The following PSD3 variants were observed in gnomAD, a reference collection of about 807,000 sequenced individuals.
PSD3 encodes PH and SEC7 domain-containing protein 3.
PSD3 carries 49 observed loss-of-function variants against 105.5 expected under a neutral mutation model. That is an observed-to-expected ratio of 0.46 (90% CI 0.37 to 0.59). The LOEUF is 0.59. Among genes scored for constraint, PSD3 ranks in the 20% least tolerant of loss-of-function variants. PSD3 has a pLI of 0.00. For missense variants in PSD3, 1,561 were observed against 1,263.8 expected, an observed-to-expected ratio of 1.24 and a Z score of -3.57; for synonymous variants, 557 against 457.8, an observed-to-expected ratio of 1.22 and a Z score of -2.77.
At chr8:18,843,528 A>G (rs1814827354) in intron 4 of PSD3, among the ~76,000 whole-genome samples, 1 of 152,090 alleles carries the variant, frequency 6.6e-6, no homozygotes, top group African/African-American at 2.4e-5. Flanking sequence ...ACTTCAGAGC[A>G]CTCTGTATTC....
chr8:18,793,286 C>T (rs529735939), intron 8 of PSD3, among the ~76,000 whole-genome samples: 2 of 150,588 alleles, frequency 1.3e-5, no homozygotes, highest in East Asian at 2.0e-4. Flanking sequence ...CAAACCTGCA[C>T]GTTGTGCACA....
intron 9 of PSD3, among the ~76,000 whole-genome samples, chr8:18,750,970 G>C (rs1350317429): frequency 6.6e-6 from 1 of 152,166 alleles, no homozygotes; most frequent in African/African-American, 2.4e-5. Context: ...CAGGAGACCA[G>C]CTGGCTTCAC....
At chr8:19,061,615 G>C (rs1026202447) in intron 1 of PSD3, among the ~76,000 whole-genome samples, 1 of 152,108 alleles carries the variant, frequency 6.6e-6, no homozygotes, top group Non-Finnish European at 1.5e-5. Flanking sequence ...AGACCACTCT[G>C]ACCAATGTGG....
intron 2 of PSD3, among the ~76,000 whole-genome samples, chr8:18,883,065 G>A (rs1818221353): frequency 6.6e-6 from 1 of 152,106 alleles, no homozygotes; most frequent in East Asian, 1.9e-4. Context: ...AAGGAGGCTT[G>A]TTAGAAATTC....
At chr8:18,616,510 C>T (rs1458730766) in intron 11 of PSD3, among the ~76,000 whole-genome samples, 1 of 152,018 alleles carries the variant, frequency 6.6e-6, no homozygotes, top group Non-Finnish European at 1.5e-5. Flanking sequence ...CTGAAAGAAA[C>T]ATTCACCATC....
intron 2 of PSD3, among the ~76,000 whole-genome samples, chr8:18,930,448 TG>T (rs1821666850): frequency 6.6e-6 from 1 of 152,210 alleles, no homozygotes; most frequent in Non-Finnish European, 1.5e-5. Flanking sequence ...GGACAGGCCA[TG>T]AACTTTCACG....
chr8:18,788,914 A>G (rs950744816), intron 8 of PSD3, among the ~76,000 whole-genome samples: 19 of 152,116 alleles, frequency 1.2e-4, no homozygotes, highest in Admixed American at 1.1e-3. Flanking sequence ...TTCCTTTTTA[A>G]ATGTATGACT....
chr8:18,590,805 G>T (rs1033495050), intron 12 of PSD3, among the ~76,000 whole-genome samples: 1 of 152,028 alleles, frequency 6.6e-6, no homozygotes, highest in African/African-American at 2.4e-5. Context: ...AGGGACAGAA[G>T]AAACAAAACC....
chr8:18,675,219 G>A (rs1216714735), intron 9 of PSD3, among the ~76,000 whole-genome samples: 2 of 152,068 alleles, frequency 1.3e-5, no homozygotes, highest in Non-Finnish European at 2.9e-5. Flanking sequence ...ATAAGGATTC[G>A]TTCCCTTGTC....
chr8:18,811,422 A>T (rs980603409), intron 4 of PSD3, among the ~76,000 whole-genome samples: 2 of 152,232 alleles, frequency 1.3e-5, no homozygotes, highest in African/African-American at 4.8e-5. Flanking sequence ...TACAGTAAGC[A>T]AAACAGAATT....
chr8:18,556,781 G>A (rs974146530), intron 14 of PSD3, among the ~76,000 whole-genome samples: 3 of 152,184 alleles, frequency 2.0e-5, no homozygotes, highest in Non-Finnish European at 2.9e-5. Context: ...TGAATGAATT[G>A]TAATTGTCTA....
At chr8:18,537,569 G>T (rs1392546445) in intron 15 of PSD3, among the ~76,000 whole-genome samples, 1 of 152,144 alleles carries the variant, frequency 6.6e-6, no homozygotes, top group Non-Finnish European at 1.5e-5. Context: ...ATGTGATATT[G>T]TGACCAGTAA....
intron 9 of PSD3, among the ~76,000 whole-genome samples, chr8:18,755,472 C>CATAAT (rs1554490357): frequency 6.6e-6 from 1 of 151,168 alleles, no homozygotes; most frequent in Non-Finnish European, 1.5e-5. Context: ...CATAACATAA[C>CATAAT]ATAACATAAC....
chr8:18,601,612 G>T (rs1804444849), intron 11 of PSD3, among the ~76,000 whole-genome samples: 1 of 152,120 alleles, frequency 6.6e-6, no homozygotes, highest in Admixed American at 6.5e-5. Flanking sequence ...CACCCTGCAG[G>T]TTTCCAAGGG....
intron 4 of PSD3, among the ~76,000 whole-genome samples, chr8:18,842,494 G>A (rs1220489868): frequency 6.6e-6 from 1 of 152,238 alleles, no homozygotes; most frequent in Non-Finnish European, 1.5e-5. Context: ...AGCACTCGGG[G>A]AGTCCGAGGC....
At chr8:18,721,732 G>A (rs1463291575) in intron 9 of PSD3, among the ~76,000 whole-genome samples, 1 of 152,140 alleles carries the variant, frequency 6.6e-6, no homozygotes, top group East Asian at 1.9e-4. Flanking sequence ...ATTTGCTAGT[G>A]TAACTGTTTA....
At chr8:18,657,738 C>A (rs564522016) in intron 9 of PSD3, among the ~76,000 whole-genome samples, 1 of 152,058 alleles carries the variant, frequency 6.6e-6, no homozygotes, top group Non-Finnish European at 1.5e-5. Context: ...CTTGCATGAG[C>A]CATTTTGAAC....
At chr8:18,769,516 C>T (rs577168181) in intron 8 of PSD3, among the ~76,000 whole-genome samples, 4 of 152,266 alleles carry the variant, frequency 2.6e-5, no homozygotes, top group South Asian at 2.1e-4. Context: ...TATATTCTTT[C>T]GAACCATATA....
At chr8:18,923,901 T>G (rs201225973) in intron 2 of PSD3, among the ~76,000 whole-genome samples, 1 of 149,018 alleles carries the variant, frequency 6.7e-6, no homozygotes, top group Non-Finnish European at 1.5e-5. Context: ...TATATATACA[T>G]ATATGTGTGT....
Sources: allele counts gnomAD v4.1 joint callset (sites outside exome capture counted in the v4.1 genomes callset), GRCh38; gene constraint gnomAD v4.1.1; transcripts MANE v1.5; gene names NCBI Gene and HGNC (gene_info 2026-07-23, HGNC 2026-07-21).